Variants in PALS2 observed in about 807,000 individuals in gnomAD.
The protein encoded by PALS2 is protein associated with LIN7 2, MAGUK p55 family member.
PALS2 carries 27 observed loss-of-function variants against 61.6 expected under a neutral mutation model. That is an observed-to-expected ratio of 0.44 (90% CI 0.32 to 0.60). The LOEUF (loss-of-function observed/expected upper bound fraction) is 0.60, where lower values mean the gene tolerates loss of function less well. Among genes scored for constraint, PALS2 ranks in the 20% least tolerant of loss-of-function variants. The pLI is 0.05. For synonymous variants in PALS2, 236 were observed against 218.6 expected, an observed-to-expected ratio of 1.08 and a Z score of -0.70; for missense variants, 554 against 639.4, an observed-to-expected ratio of 0.87 and a Z score of 1.44.
At chr7:24,676,202 G>T (rs901446894) in intron 9 of PALS2, among the ~76,000 whole-genome samples, 2 of 151,824 alleles carry the variant, frequency 1.3e-5, no homozygotes, top group South Asian at 2.1e-4. Flanking sequence ...CATGTCCTTC[G>T]CCCACTTTTT....
chr7:24,685,653 T>G (rs1396478879), intron 11 of PALS2, among the ~76,000 whole-genome samples: 7 of 151,816 alleles, frequency 4.6e-5, no homozygotes, highest in South Asian at 2.1e-4. Context: ...CAGGGTTTTT[T>G]TTTTTTTTTT....
At chr7:24,628,090 C>T (rs1191964820) in intron 2 of PALS2, among the ~76,000 whole-genome samples, 2 of 152,182 alleles carry the variant, frequency 1.3e-5, no homozygotes, top group Admixed American at 6.5e-5. Context: ...GCCAATATCC[C>T]TGATGAACAT....
At position 24,691,909 on chromosome 7, in the gene PALS2, T is replaced by C. The variant is rs1788496417; in HGVS notation, c.*4295T>C. The C allele has an allele frequency of 6.6e-6, 1 of 152,100 alleles. No homozygotes were observed. The highest frequency in any genetic ancestry group is 2.4e-5 in the African/African-American group (1 of 41,440). 9.4% of individuals were successfully genotyped at this position (152,100 alleles called of 1,614,324 possible). On this transcript the variant is annotated 3_prime_UTR_variant, in exon 12 of 12. Transcript: ENST00000222644. The stretch of plus-strand genomic sequence containing the variant: ...ATGGGATTATTGTATATAGTACAAA[T>C]GAATACTCACAAAATTTAAGAATAC...
At position 24,641,742 on chromosome 7, in the gene PALS2, A is replaced by G. The variant is rs777382659; in HGVS notation, c.144A>G (p.Lys48=). The change falls in exon 3 of 12, where the codon AAA becomes AAG. Residue 48 remains lysine (K), a synonymous_variant. Coordinates refer to ENST00000222644, the MANE Select transcript of PALS2 (RefSeq NM_001303037.2). ...CTCATGAGAGGCTAGAAGATTCCAA[A>G]CTAGAAGCTGTCAGTGACAATAACT... The part of the protein sequence containing the change: ...AKAHERLEDS[K]LEAVSDNNLE... 1.3e-5 allele frequency: 21 copies of G among 1,611,684 alleles called. No homozygotes were observed. The Admixed American group carries it at 3.4e-4, about 26-fold the overall frequency.
intron 5 of PALS2, 98 bp downstream of exon 5, chr7:24,650,810 A>G (rs1786106432): frequency 2.2e-6 from 2 of 899,366 alleles, no homozygotes; most frequent in Admixed American, 3.3e-5. Flanking sequence ...GCTAAAGAAA[A>G]GAGAAAAAAT....
At chr7:24,676,749 A>T (rs1473552311) in intron 9 of PALS2, among the ~76,000 whole-genome samples, 1 of 151,052 alleles carries the variant, frequency 6.6e-6, no homozygotes, top group Admixed American at 6.6e-5. Flanking sequence ...CTGTTTTGGT[A>T]CCAGTCCCAT....
intron 1 of PALS2, among the ~76,000 whole-genome samples, chr7:24,583,394 C>T (rs529458026): frequency 5.5e-4 from 83 of 152,010 alleles, no homozygotes; most frequent in Admixed American, 1.6e-3. Context: ...AGAAATTTTC[C>T]GTGAAGGAAT....
chr7:24,611,843 T>C (rs954570453), intron 1 of PALS2, among the ~76,000 whole-genome samples: 4 of 151,866 alleles, frequency 2.6e-5, no homozygotes, highest in Admixed American at 2.6e-4. Context: ...TGGTGCAAAT[T>C]GAATCTAGCA....
intron 1 of PALS2, among the ~76,000 whole-genome samples, chr7:24,584,664 T>C (rs1313289810): frequency 1.3e-5 from 2 of 152,024 alleles, no homozygotes; most frequent in Admixed American, 1.3e-4. Context: ...CTCTTTAGTT[T>C]AATTAGATCC....
intron 4 of PALS2, 101 bp downstream of exon 4, chr7:24,649,865 T>G (rs1377679328): frequency 1.7e-6 from 2 of 1,150,386 alleles, no homozygotes; most frequent in Non-Finnish European, 2.3e-6. Context: ...CATAATGTTA[T>G]GAAAACTGTA....
intron 5 of PALS2, among the ~76,000 whole-genome samples, chr7:24,660,514 C>T (rs567128292): frequency 6.6e-6 from 1 of 151,960 alleles, no homozygotes; most frequent in Non-Finnish European, 1.5e-5. Flanking sequence ...AGGATATTTC[C>T]TTATTGGTGC....
At chr7:24,682,971 G>A (rs573351564) in intron 11 of PALS2, among the ~76,000 whole-genome samples, 1 of 152,134 alleles carries the variant, frequency 6.6e-6, no homozygotes, top group Admixed American at 6.5e-5. Context: ...GTTGGTTTTT[G>A]CAAGAATAAT....
chr7:24,662,294 A>G (rs1006791393), intron 5 of PALS2, among the ~76,000 whole-genome samples: 2 of 152,192 alleles, frequency 1.3e-5, no homozygotes, highest in Non-Finnish European at 2.9e-5. Flanking sequence ...TAATATGTCT[A>G]CTTGTGTTAT....
At chr7:24,622,683 C>CTTT (rs70942815) in intron 1 of PALS2, among the ~76,000 whole-genome samples, 17 of 135,698 alleles carry the variant, frequency 1.3e-4, no homozygotes, top group Non-Finnish European at 1.6e-4. Flanking sequence ...TTTCTTTTTT[C>CTTT]TTTTTTTTTT....
chr7:24,673,455 A>G (rs1255260121), intron 9 of PALS2, among the ~76,000 whole-genome samples: 1 of 152,170 alleles, frequency 6.6e-6, no homozygotes, highest in African/African-American at 2.4e-5. Context: ...TTGTTTGGGA[A>G]GAGTATGTGA....
rs943514497 is a variant in PALS2 at position 24,573,596 on chromosome 7, G to A, written c.-3+3G>A. The stretch of plus-strand genomic sequence containing the variant: ...GGAGGCGGCTGAGGTGCGAGCCGGT[G>A]AGTTAACTGGACCCCCACGCCGCTC... On this transcript the variant is annotated splice_donor_region_variant and intron_variant, in intron 1 of 11. Coordinates refer to ENST00000222644, the MANE Select transcript of PALS2 (RefSeq NM_001303037.2). This position sits in a 1 kb window ranked among gnomAD's most constrained non-coding sequence, Gnocchi z 5.3. 7 of 367,780 alleles carry A rather than the reference G, an allele frequency of 1.9e-5. No individual in the cohort carries two copies. Among genetic ancestry groups the A allele is most frequent in the African/African-American group, 8.6e-5 (4 of 46,724 alleles). 22.8% of individuals were successfully genotyped at this position (367,780 alleles called of 1,614,324 possible).
At position 24,663,711 on chromosome 7, in the gene PALS2, A is replaced by G. The variant is rs1458657590; in HGVS notation, c.773A>G (p.Asn258Ser). 1.2e-6 allele frequency: 2 copies of G among 1,610,762 alleles called. No individual in the cohort carries two copies. The highest frequency in any genetic ancestry group is 1.7e-6 in the Non-Finnish European group (2 of 1,177,662). Reference protein sequence around the residue: ...ILQIVNREDPNWWQASHVKEG... With the variant: ...ILQIVNREDPSWWQASHVKEG... Reference sequence around the variant, plus strand: ...CAGATTGTAAATAGAGAAGATCCAAATTGGTGGCAGGTTAGTATGCTTCTC... The same window carrying G: ...CAGATTGTAAATAGAGAAGATCCAAGTTGGTGGCAGGTTAGTATGCTTCTC... The change falls in exon 6 of 12, where the codon AAT (asparagine) becomes AGT (serine). Residue 258 changes from asparagine to serine, a missense_variant. Transcript: ENST00000222644.
intron 10 of PALS2, among the ~76,000 whole-genome samples, chr7:24,680,145 TTGA>T (rs1703485297): frequency 1.3e-5 from 2 of 152,220 alleles, no homozygotes; most frequent in Admixed American, 6.5e-5. Context: ...TACATCACTC[TTGA>T]TGATTTTTGG....
At chr7:24,632,523 T>C (rs139491645) in intron 2 of PALS2, among the ~76,000 whole-genome samples, 9,612 of 152,024 alleles carry the variant, frequency 0.063, 352 homozygotes, top group African/African-American at 0.093. Context: ...CCTCAGCCTC[T>C]CAAGTAGCTG....
Sources: allele counts gnomAD v4.1 joint callset (sites outside exome capture counted in the v4.1 genomes callset), GRCh38; gene constraint gnomAD v4.1.1; non-coding constraint Gnocchi (gnomAD v3.1); transcripts MANE v1.5; gene names NCBI Gene and HGNC (gene_info 2026-07-23, HGNC 2026-07-21).